The following CNBD1 variants were observed in gnomAD, a reference collection of about 807,000 sequenced individuals.
CNBD1 encodes the protein cyclic nucleotide binding domain containing 1.
A neutral mutation model predicts 54.4 loss-of-function variants in CNBD1; 71 were observed. The ratio of observed to expected loss-of-function variants is 1.30; its 90% CI spans 1.08 to 1.59. CNBD1 has a LOEUF of 1.59. CNBD1 is among the 40% of genes most tolerant of loss of function. CNBD1 has a pLI of 0.00. For synonymous variants in CNBD1, 182 were observed against 170.7 expected (o/e 1.07, Z -0.51); for missense variants, 659 against 518.0 (o/e 1.27, Z -2.64).
At chr8:87,224,477 C>G (rs1716389717) in intron 5 of CNBD1, among the ~76,000 whole-genome samples, 1 of 150,992 alleles carries the variant, frequency 6.6e-6, no homozygotes, top group African/African-American at 2.4e-5. Flanking sequence ...CCAGTTTTCC[C>G]AGCACCATTT....
chr8:86,912,131 AT>A (rs1336997173), intron 3 of CNBD1, among the ~76,000 whole-genome samples: 3 of 152,196 alleles, frequency 2.0e-5, no homozygotes, highest in African/African-American at 7.2e-5. Context: ...TTTTATAAAA[AT>A]GTTATCAGAT....
intron 4 of CNBD1, among the ~76,000 whole-genome samples, chr8:87,039,714 C>T (rs982934215): frequency 3.3e-5 from 5 of 152,134 alleles, no homozygotes; most frequent in Non-Finnish European, 5.9e-5. Context: ...AATTAGTCTC[C>T]TCGAGAATTT....
chr8:87,246,816 T>C (rs1381891805), intron 6 of CNBD1, among the ~76,000 whole-genome samples: 3 of 152,054 alleles, frequency 2.0e-5, no homozygotes, highest in East Asian at 3.9e-4. Context: ...TTTGGGATGA[T>C]TTAAGAGCAT....
intron 4 of CNBD1, among the ~76,000 whole-genome samples, chr8:86,989,384 G>A (rs530618089): frequency 7.9e-5 from 12 of 152,102 alleles, no homozygotes; most frequent in Non-Finnish European, 8.8e-5. Flanking sequence ...TTTCTTTTGG[G>A]TATATACCTA....
chr8:87,046,534 G>C (rs2130617573), intron 4 of CNBD1, among the ~76,000 whole-genome samples: 1 of 152,308 alleles, frequency 6.6e-6, no homozygotes, highest in Middle Eastern at 3.4e-3. Flanking sequence ...CCAATGCCTA[G>C]GGAGAATTAG....
At chr8:87,098,003 G>C (rs541726120) in intron 4 of CNBD1, among the ~76,000 whole-genome samples, 1 of 152,232 alleles carries the variant, frequency 6.6e-6, no homozygotes, top group Non-Finnish European at 1.5e-5. Flanking sequence ...TTGCATATTT[G>C]CTATAGGAAA....
chr8:87,278,598 A>G (rs1425765726), intron 6 of CNBD1, among the ~76,000 whole-genome samples: 3 of 151,706 alleles, frequency 2.0e-5, no homozygotes, highest in African/African-American at 4.8e-5. Context: ...ATAACGTTGT[A>G]TTCAGACAAA....
At chr8:87,377,194 C>T (rs191352694) in intron 10 of CNBD1, among the ~76,000 whole-genome samples, 229 of 149,692 alleles carry the variant, frequency 1.5e-3, no homozygotes, top group Non-Finnish European at 2.4e-3. Context: ...GGTACATGTG[C>T]ACATTGTGCA....
chr8:87,231,947 G>A (rs145985272), intron 5 of CNBD1, among the ~76,000 whole-genome samples: 23 of 152,158 alleles, frequency 1.5e-4, no homozygotes, highest in Non-Finnish European at 2.9e-4. Context: ...TAGGGGCAAT[G>A]GCTCTCTATT....
chr8:86,908,773 T>A (rs1809055437), intron 3 of CNBD1, among the ~76,000 whole-genome samples: 1 of 151,760 alleles, frequency 6.6e-6, no homozygotes, highest in Non-Finnish European at 1.5e-5. Flanking sequence ...GTGATTATCA[T>A]CATAAGAATT....
At chr8:87,174,348 C>A (rs757643229) in intron 4 of CNBD1, among the ~76,000 whole-genome samples, 33 of 152,074 alleles carry the variant, frequency 2.2e-4, no homozygotes, top group Admixed American at 9.2e-4. Flanking sequence ...CTGATAAATT[C>A]TGTTATTAAT....
chr8:87,379,157 G>C (rs948892280), intron 10 of CNBD1, among the ~76,000 whole-genome samples: 3 of 151,752 alleles, frequency 2.0e-5, no homozygotes, highest in African/African-American at 7.3e-5. Context: ...TCCTTCTCCT[G>C]CCTAATTGCC....
chr8:87,045,885 C>CA (rs1343119826), intron 4 of CNBD1, among the ~76,000 whole-genome samples: 1 of 151,466 alleles, frequency 6.6e-6, no homozygotes, highest in Non-Finnish European at 1.5e-5. Flanking sequence ...ACTGAAAATA[C>CA]AAAAAATTAG....
chr8:87,240,103 C>G (rs908323632), intron 6 of CNBD1, among the ~76,000 whole-genome samples: 2 of 149,256 alleles, frequency 1.3e-5, no homozygotes, highest in Non-Finnish European at 3.0e-5. Context: ...CACACACACA[C>G]AGACACAAAC....
intron 4 of CNBD1, among the ~76,000 whole-genome samples, chr8:87,004,054 G>T (rs1041751123): frequency 6.6e-6 from 1 of 151,990 alleles, no homozygotes; most frequent in Non-Finnish European, 1.5e-5. Flanking sequence ...GTGACATACC[G>T]TATATATATA....
chr8:87,420,510 T>C (rs1017744685), intron 2 of CNBD1, among the ~76,000 whole-genome samples: 21 of 152,090 alleles, frequency 1.4e-4, no homozygotes, highest in African/African-American at 5.1e-4. Flanking sequence ...GAGAAAAGTT[T>C]TATTACATGT....
intron 10 of CNBD1, among the ~76,000 whole-genome samples, chr8:87,377,193 G>C (rs1810965265): frequency 1.3e-5 from 2 of 149,614 alleles, no homozygotes; most frequent in Non-Finnish European, 3.0e-5. Flanking sequence ...CGGTACATGT[G>C]CACATTGTGC....
At chr8:87,147,481 A>C (rs1477721106) in intron 4 of CNBD1, among the ~76,000 whole-genome samples, 1 of 151,960 alleles carries the variant, frequency 6.6e-6, no homozygotes, top group African/African-American at 2.4e-5. Flanking sequence ...CTTATTGATA[A>C]TGGCTAGTGG....
chr8:87,276,133 AG>A (rs1226152201), intron 6 of CNBD1, among the ~76,000 whole-genome samples: 1 of 151,964 alleles, frequency 6.6e-6, no homozygotes, highest in Non-Finnish European at 1.5e-5. Flanking sequence ...TATATAGTAT[AG>A]GCATTGGAGA....
Sources: allele counts gnomAD v4.1 joint callset (sites outside exome capture counted in the v4.1 genomes callset), GRCh38; gene constraint gnomAD v4.1.1; transcripts MANE v1.5; gene names NCBI Gene and HGNC (gene_info 2026-07-23, HGNC 2026-07-21).